Variants in NFIC observed in about 807,000 individuals in gnomAD.
The protein encoded by NFIC is nuclear factor I C, also known as nuclear factor 1 C-type.
A neutral mutation model predicts 54.4 loss-of-function variants in NFIC; 12 were observed. The ratio of observed to expected loss-of-function variants is 0.22; its 90% CI spans 0.14 to 0.36. The LOEUF (loss-of-function observed/expected upper bound fraction) is 0.36, where lower values mean the gene tolerates loss of function less well. Among genes scored for constraint, NFIC ranks in the 10% least tolerant of loss-of-function variants. The probability of loss-of-function intolerance (pLI) is 1.00; values close to 1 mark genes in which losing one functional copy is unlikely to be tolerated. For missense variants in NFIC, 575 were observed against 718.2 expected (o/e 0.80, Z 2.28); for synonymous variants, 322 against 319.2 (o/e 1.01, Z -0.09).
chr19:3,388,183 A>G (rs571675289), intron 2 of NFIC, among the ~76,000 whole-genome samples: 16 of 152,022 alleles, frequency 1.1e-4, no homozygotes, highest in Non-Finnish European at 1.8e-4. Context: ...GGAAGCTCAT[A>G]GCACGCCAGA....
intron 2 of NFIC, among the ~76,000 whole-genome samples, chr19:3,394,523 A>ACCCC (rs1387633539): frequency 7.8e-5 from 4 of 51,176 alleles, no homozygotes; most frequent in Admixed American, 2.6e-4. Flanking sequence ...TTCCCCACCC[A>ACCCC]CCCCCCACCC....
chr19:3,368,066 TGG>T lies in NFIC; in HGVS notation c.30+1409_30+1410del, dbSNP rs5826819. ...CTCAGTTTCCCTTTCTGAGCAGCTT[TGG>T]GGGGGGGGTTCCCGAAGAAGGCATC... On this transcript the variant is annotated intron_variant, in intron 1 of 10. Transcript: ENST00000443272. Among the ~76,000 whole-genome samples the T allele has an allele frequency of 1.3e-3, 197 of 150,306 alleles. 2 individuals are homozygous for T. The East Asian group carries it at 0.023, about 18-fold the overall frequency.
At chr19:3,411,768 G>A (rs1188493201) in intron 2 of NFIC, among the ~76,000 whole-genome samples, 1 of 152,202 alleles carries the variant, frequency 6.6e-6, no homozygotes, top group Non-Finnish European at 1.5e-5. Context: ...CAGCCCGGCT[G>A]TGAGGAGTGT....
chr19:3,400,151 G>A (rs559675896), intron 2 of NFIC, among the ~76,000 whole-genome samples: 2 of 152,168 alleles, frequency 1.3e-5, no homozygotes, highest in African/African-American at 2.4e-5. Flanking sequence ...TGCTCCAGGC[G>A]CTGGGATACT....
At chr19:3,435,312 G>A (rs573119520) in intron 6 of NFIC, 105 bp downstream of exon 6, 3 of 1,410,794 alleles carry the variant, frequency 2.1e-6, no homozygotes, top group East Asian at 5.3e-5. Context: ...GCAGGAAGCC[G>A]GCCTGGAGCC....
chr19:3,441,330 G>A (rs1007882481), intron 6 of NFIC, among the ~76,000 whole-genome samples: 9 of 152,234 alleles, frequency 5.9e-5, no homozygotes, highest in Non-Finnish European at 1.5e-5. Context: ...TTTGTTTTAT[G>A]GGGCATCTGT....
intron 2 of NFIC, 147 bp downstream of exon 2, chr19:3,382,390 C>A: frequency 8.7e-7 from 1 of 1,148,492 alleles, no homozygotes. Flanking sequence ...GGAGAGTGCC[C>A]AATGGGGGCG....
intron 10 of NFIC, chr19:3,457,959 T>C: frequency 6.6e-6 from 1 of 152,208 alleles, no homozygotes; most frequent in East Asian, 1.9e-4. Flanking sequence ...CCATGTGCTA[T>C]GGGTGGAGGG....
rs967783541 is a variant in NFIC, at chr19:3,423,879, C to G, written c.563-1227C>G. Among the ~76,000 whole-genome samples, 5 of 152,194 alleles carry G rather than the reference C, an allele frequency of 3.3e-5. No individual in the cohort carries two copies. The East Asian group carries it at 9.7e-4, about 29-fold the overall frequency. On this transcript the variant is annotated intron_variant, in intron 2 of 10. Coordinates refer to ENST00000443272, the MANE Select transcript of NFIC (RefSeq NM_001245002.2). Reference sequence around the variant, plus strand: ...GGGACTACAGGGGCAGAGGCTGAGGCTAAGGGACGTGACGTCTCCAGGACT... The same window carrying G: ...GGGACTACAGGGGCAGAGGCTGAGGGTAAGGGACGTGACGTCTCCAGGACT...
intron 2 of NFIC, among the ~76,000 whole-genome samples, chr19:3,419,475 A>G (rs2081919150): frequency 6.6e-6 from 1 of 151,886 alleles, no homozygotes; most frequent in African/African-American, 2.4e-5. Context: ...CCCTGTCTCA[A>G]AAACAAAATT....
At position 3,359,699 on chromosome 19, in the gene NFIC, C is replaced by T. The variant is rs1443571405; in HGVS notation, c.3+14C>T. On this transcript the variant is annotated intron_variant, in intron 1 of 9. Coordinates refer to the NFIC transcript ENST00000395111. ...AGCAGCGCCATGGTACGTCGCCGCACCCACTTTCGTTTTCGCCCGGGGACT... is the reference window on the plus strand; with the variant it reads ...AGCAGCGCCATGGTACGTCGCCGCATCCACTTTCGTTTTCGCCCGGGGACT... 1.2e-5 allele frequency: 17 copies of T among 1,427,698 alleles called. No individual in the cohort carries two copies. In the South Asian group the frequency reaches 2.4e-4, roughly 20 times the overall value. The allele number at this position is 1,427,698 out of a possible 1,614,324, so 88.4% of individuals were successfully genotyped here.
chr19:3,461,015 C>T (rs2082630425), intron 10 of NFIC, among the ~76,000 whole-genome samples: 4 of 152,018 alleles, frequency 2.6e-5, no homozygotes, highest in Admixed American at 6.5e-5. Context: ...ATCCTAGCTA[C>T]TCGGGAGGCT....
At chr19:3,385,917 G>T (rs998726290) in intron 2 of NFIC, among the ~76,000 whole-genome samples, 2 of 151,330 alleles carry the variant, frequency 1.3e-5, no homozygotes, top group African/African-American at 4.9e-5. Context: ...ATGTTGCCCA[G>T]GCTACTCTCG....
At chr19:3,429,123 C>CA (rs1229903958) in intron 3 of NFIC, among the ~76,000 whole-genome samples, 78 of 88,144 alleles carry the variant, frequency 8.8e-4, no homozygotes, top group African/African-American at 3.6e-3. Flanking sequence ...TATCTCTACC[C>CA]AAAAAAAAAA....
At position 3,382,045 on chromosome 19, in the gene NFIC, C is replaced by T. The variant is rs1031163906; in HGVS notation, c.364C>T (p.Arg122Trp). 1 of 1,613,476 alleles carries T rather than the reference C, an allele frequency of 6.2e-7. No homozygotes were observed. The highest frequency in any genetic ancestry group is 8.5e-7 in the Non-Finnish European group (1 of 1,179,942). ...KGKMRRIDCL[R>W]QADKVWRLDL... ...CAAGATGCGGCGCATCGACTGTCTC[C>T]GGCAGGCGGACAAGGTGTGGCGGCT... The change falls in exon 2 of 11, where the codon CGG becomes TGG. Residue 122 changes from arginine (R) to tryptophan (W), a missense_variant. Arg to Trp is a moderately radical substitution (Grantham distance 101). Transcript: ENST00000443272.
chr19:3,469,210 C>T lies in NFIC; in HGVS notation c.*6441C>T, dbSNP rs1424756390. On this transcript the variant is annotated 3_prime_UTR_variant, in exon 11 of 11. Coordinates refer to ENST00000443272, the MANE Select transcript of NFIC (RefSeq NM_001245002.2). The stretch of plus-strand genomic sequence containing the variant: ...TATAAAAATTAAACAAGCTATGCTT[C>T]GACTCTTTCTGGCTGTCCCGGGTCC... The T allele has an allele frequency of 3.3e-5, 5 of 152,200 alleles. No homozygotes were observed. The highest frequency in any genetic ancestry group is 7.3e-5 in the Non-Finnish European group (5 of 68,042). The allele number at this position is 152,200 out of a possible 1,614,324, so 9.4% of individuals were successfully genotyped here. A position where few individuals can be genotyped will look rare whatever the true frequency, so the allele number is the denominator to read the frequency against.
upstream of NFIC, among the ~76,000 whole-genome samples, chr19:3,366,286 C>A (rs1182735145): frequency 1.3e-5 from 2 of 149,342 alleles, no homozygotes; most frequent in African/African-American, 2.5e-5. Context: ...TCCTTTCTCG[C>A]TCGCGCCCTT....
chr19:3,370,621 CCTCTCTCCTTCTCTCTTCT>C lies in NFIC; in HGVS notation c.30+3963_30+3981del, dbSNP rs2080986345. Among the ~76,000 whole-genome samples, 1 of 150,436 alleles carries C rather than the reference CCTCTCTCCTTCTCTCTTCT, an allele frequency of 6.6e-6. No homozygotes were observed. The highest frequency in any genetic ancestry group is 1.5e-5 in the Non-Finnish European group (1 of 67,572). On this transcript the variant is annotated intron_variant, in intron 1 of 10. Coordinates refer to ENST00000443272, the MANE Select transcript of NFIC (RefSeq NM_001245002.2). The surrounding 1 kb of genome is among the most constrained non-coding windows in gnomAD (Gnocchi z 5.2). Reference sequence around the variant, plus strand: ...TCTCTCTCCCCGTCTCCCTTCTCTCCCTCTCTCCTTCTCTCTTCTCTCTCTCTTTCTCCCTCCCTACCTC... The same window carrying C: ...TCTCTCTCCCCGTCTCCCTTCTCTCCCTCTCTCTTTCTCCCTCCCTACCTC...
intron 2 of NFIC, among the ~76,000 whole-genome samples, chr19:3,411,387 G>A (rs1213110778): frequency 2.2e-5 from 3 of 138,780 alleles, no homozygotes; most frequent in Admixed American, 1.5e-4. Flanking sequence ...GAGTGCAGTG[G>A]CACGATCTCG....
Sources: allele counts gnomAD v4.1 joint callset (sites outside exome capture counted in the v4.1 genomes callset), GRCh38; gene constraint gnomAD v4.1.1; non-coding constraint Gnocchi (gnomAD v3.1); transcripts MANE v1.5; gene names NCBI Gene and HGNC (gene_info 2026-07-23, HGNC 2026-07-21).